Variants in STK38L observed in about 807,000 individuals in gnomAD.
The protein encoded by STK38L is serine/threonine-protein kinase 38-like.
A neutral mutation model predicts 59.7 loss-of-function variants in STK38L; 28 were observed. The observed-to-expected ratio is 0.47, with a 90% confidence interval of 0.35 to 0.64. STK38L has a LOEUF of 0.64. Ranked by LOEUF, STK38L falls within the 30% of genes least tolerant of loss-of-function variation. The pLI, the probability that STK38L is intolerant of heterozygous loss-of-function variation, is 0.01. For synonymous variants in STK38L, 162 were observed against 176.8 expected (o/e 0.92, Z 0.66); for missense variants, 314 against 555.8 (o/e 0.56, Z 4.37).
chr12:27,255,916 G>T (rs1397377546), intron 1 of STK38L, among the ~76,000 whole-genome samples: 1 of 152,154 alleles, frequency 6.6e-6, no homozygotes, highest in Non-Finnish European at 1.5e-5. Context: ...CTCACCCAGA[G>T]CTGACTTTAT....
intron 1 of STK38L, among the ~76,000 whole-genome samples, chr12:27,259,330 A>T (rs1452542526): frequency 6.6e-6 from 1 of 152,156 alleles, no homozygotes; most frequent in African/African-American, 2.4e-5. Context: ...CAGAATTCCC[A>T]TGCAGGCTCA....
At chr12:27,268,170 TGTTA>T (rs74459491) in intron 1 of STK38L, among the ~76,000 whole-genome samples, 10,686 of 151,614 alleles carry the variant, frequency 0.07, 489 homozygotes, top group Non-Finnish European at 0.1. Flanking sequence ...ACAATGTGCA[TGTTA>T]GTTACATATG....
At chr12:27,253,149 T>G (rs971545562) in intron 1 of STK38L, among the ~76,000 whole-genome samples, 4 of 152,234 alleles carry the variant, frequency 2.6e-5, no homozygotes, top group African/African-American at 9.6e-5. Context: ...GGTGTATCTG[T>G]ACAGCACCTG....
intron 1 of STK38L, among the ~76,000 whole-genome samples, chr12:27,287,636 T>G (rs1474741315): frequency 6.6e-6 from 1 of 152,206 alleles, no homozygotes; most frequent in East Asian, 1.9e-4. Flanking sequence ...AGTTTAATTT[T>G]TTTTAACTTT....
At position 27,319,406 on chromosome 12, in the gene STK38L, C is replaced by T. The variant is rs1168890569; in HGVS notation, c.1158C>T (p.Val386=). The change falls in exon 12 of 14, where the codon GTC becomes GTT. Residue 386 remains valine, a synonymous_variant. Coordinates refer to ENST00000389032, the MANE Select transcript of STK38L (RefSeq NM_015000.4). The part of the protein sequence containing the change: ...EIKGHPFFEG[V]DWEHIRERPA... ...AAGGTCATCCCTTTTTTGAAGGTGTCGACTGGGAGCACATAAGGTATGTTC... is the reference window on the plus strand; with the variant it reads ...AAGGTCATCCCTTTTTTGAAGGTGTTGACTGGGAGCACATAAGGTATGTTC... 21 of 1,612,168 alleles carry T rather than the reference C, an allele frequency of 1.3e-5. No individual in the cohort carries two copies. The highest frequency in any genetic ancestry group is 8.3e-5 in the Admixed American group (5 of 59,924).
At chr12:27,306,146 A>G (rs1055618190) in intron 3 of STK38L, among the ~76,000 whole-genome samples, 15 of 152,160 alleles carry the variant, frequency 9.9e-5, no homozygotes, top group African/African-American at 3.6e-4. Context: ...TCTTTTTGCT[A>G]TTAAATGGCT....
chr12:27,254,888 T>C (rs1943058421), intron 1 of STK38L, among the ~76,000 whole-genome samples: 1 of 152,200 alleles, frequency 6.6e-6, no homozygotes, highest in African/African-American at 2.4e-5. Flanking sequence ...ACCAGTGCCA[T>C]ATTTAAGGAT....
intron 1 of STK38L, among the ~76,000 whole-genome samples, chr12:27,271,989 C>T (rs1033004870): frequency 5.3e-5 from 8 of 152,154 alleles, no homozygotes; most frequent in African/African-American, 1.2e-4. Context: ...CATGAGCCAC[C>T]GTACTCATTA....
chr12:27,276,157 G>T (rs1037499029), intron 1 of STK38L, among the ~76,000 whole-genome samples: 1 of 152,122 alleles, frequency 6.6e-6, no homozygotes, highest in African/African-American at 2.4e-5. Flanking sequence ...GTACCTCCCT[G>T]TGTGCACATC....
chr12:27,325,104 T>G lies in STK38L; in HGVS notation c.*2649T>G, dbSNP rs886665977. 1.3e-5 allele frequency: 2 copies of G among 152,140 alleles called. No individual in the cohort carries two copies. Among genetic ancestry groups the G allele is most frequent in the Non-Finnish European group, 2.9e-5 (2 of 67,970 alleles). 9.4% of individuals were successfully genotyped at this position (152,140 alleles called of 1,614,324 possible). On this transcript the variant is annotated 3_prime_UTR_variant, in exon 14 of 14. Transcript: ENST00000389032. Reference sequence around the variant, plus strand: ...CTTTGTATTAAAGCAAGTTATGTTATTTTTCTTTTATGCATTTATTACTAA... The same window carrying G: ...CTTTGTATTAAAGCAAGTTATGTTAGTTTTCTTTTATGCATTTATTACTAA...
In STK38L at chr12:27,322,140, T is replaced by C. The variant is rs1297127299; in HGVS notation, c.1176-3T>C. The C allele has an allele frequency of 6.2e-7, 1 of 1,610,322 alleles. No homozygotes were observed. Among genetic ancestry groups the C allele is most frequent in the Non-Finnish European group, 8.5e-7 (1 of 1,179,026 alleles). ...ACCATGCATACTTAATACCTTTTTA[T>C]AGGGAAAGGCCAGCAGCAATCCCTA... is the stretch of plus-strand genomic sequence containing the variant. On this transcript the variant is annotated splice_region_variant and splice_polypyrimidine_tract_variant and intron_variant, in intron 12 of 13. Transcript: ENST00000389032.
chr12:27,318,582 C>T (rs1004797411), intron 11 of STK38L, among the ~76,000 whole-genome samples: 1 of 152,134 alleles, frequency 6.6e-6, no homozygotes, highest in African/African-American at 2.4e-5. Flanking sequence ...GATTTAGGTA[C>T]ACTATGATTT....
chr12:27,314,183 T>C (rs1207322431), intron 6 of STK38L, among the ~76,000 whole-genome samples: 1 of 152,110 alleles, frequency 6.6e-6, no homozygotes, highest in Admixed American at 6.5e-5. Context: ...GGCAGATAGC[T>C]TGAAACCAGG....
At chr12:27,282,564 T>TA (rs1206525152) in intron 1 of STK38L, among the ~76,000 whole-genome samples, 1 of 152,008 alleles carries the variant, frequency 6.6e-6, no homozygotes, top group Non-Finnish European at 1.5e-5. Context: ...TGACAAAAAT[T>TA]AAAAAGATGG....
intron 1 of STK38L, among the ~76,000 whole-genome samples, chr12:27,265,797 AT>A (rs994988095): frequency 5.9e-5 from 9 of 152,214 alleles, no homozygotes; most frequent in African/African-American, 1.9e-4. Context: ...CTGTATTAAT[AT>A]ATCTGTATCC....
At position 27,258,575 on chromosome 12, in the gene STK38L, C is replaced by T. The variant is rs972446833; in HGVS notation, c.-12+14243C>T. On this transcript the variant is annotated intron_variant, in intron 1 of 13. Coordinates refer to ENST00000389032, the MANE Select transcript of STK38L (RefSeq NM_015000.4). ...AACTCCTGACCTCAGGTGATGTGCC[C>T]GCCTCGGCCTCCCAAAATGCTGGGA... Among the ~76,000 whole-genome samples the T allele has an allele frequency of 7.9e-5, 12 of 152,252 alleles. No individual in the cohort carries two copies. In the South Asian group the frequency reaches 1.0e-3, roughly 13 times the overall value.
At chr12:27,269,979 T>C (rs1237100455) in intron 1 of STK38L, among the ~76,000 whole-genome samples, 1 of 152,196 alleles carries the variant, frequency 6.6e-6, no homozygotes, top group African/African-American at 2.4e-5. Flanking sequence ...TGCTGCTGTT[T>C]CTTTTTTTGA....
chr12:27,248,817 A>G (rs1234355890), intron 1 of STK38L, among the ~76,000 whole-genome samples: 1 of 152,228 alleles, frequency 6.6e-6, no homozygotes, highest in Non-Finnish European at 1.5e-5. Context: ...TGTTTATATT[A>G]TTGAAATAAG....
chr12:27,276,213 A>C (rs1943533458), intron 1 of STK38L, among the ~76,000 whole-genome samples: 1 of 152,204 alleles, frequency 6.6e-6, no homozygotes, highest in Non-Finnish European at 1.5e-5. Context: ...TGATTCATCT[A>C]TACCCATACC....
Sources: allele counts gnomAD v4.1 joint callset (sites outside exome capture counted in the v4.1 genomes callset), GRCh38; gene constraint gnomAD v4.1.1; transcripts MANE v1.5; gene names NCBI Gene and HGNC (gene_info 2026-07-23, HGNC 2026-07-21).